The following XKR4 variants were observed in gnomAD, a reference collection of about 807,000 sequenced individuals.
XKR4 encodes XK-related protein 4.
In XKR4, 12 loss-of-function variants were observed where a neutral mutation model predicts 53.9. The ratio of observed to expected loss-of-function variants is 0.22; its 90% confidence interval spans 0.14 to 0.36. XKR4 has a LOEUF of 0.36. XKR4 is among the 10% of genes least tolerant of loss of function. The pLI is 1.00. For synonymous variants in XKR4, 354 were observed against 362.4 expected, an observed-to-expected ratio of 0.98 and a Z score of 0.26; for missense variants, 799 against 859.5, an observed-to-expected ratio of 0.93 and a Z score of 0.88.
intron 1 of XKR4, among the ~76,000 whole-genome samples, chr8:55,138,437 G>A (rs776143264): frequency 6.6e-6 from 1 of 152,102 alleles, no homozygotes; most frequent in African/African-American, 2.4e-5. Context: ...CAGCTCACAG[G>A]AAAGTATTTA....
At chr8:55,387,594 C>T (rs999416503) in intron 2 of XKR4, among the ~76,000 whole-genome samples, 1 of 152,210 alleles carries the variant, frequency 6.6e-6, no homozygotes, top group East Asian at 1.9e-4. Context: ...AGACCCTAGT[C>T]TTCTCAGCTT....
chr8:55,379,038 A>G (rs1001645171), intron 2 of XKR4, among the ~76,000 whole-genome samples: 9 of 152,222 alleles, frequency 5.9e-5, no homozygotes, highest in Non-Finnish European at 1.3e-4. Flanking sequence ...CTCTTATTCC[A>G]GGTGAACCCT....
At chr8:55,429,721 C>G (rs1171007846) in intron 2 of XKR4, among the ~76,000 whole-genome samples, 2 of 149,140 alleles carry the variant, frequency 1.3e-5, no homozygotes, top group African/African-American at 5.1e-5. Flanking sequence ...AGACCAAGAC[C>G]CTGTCTTTCT....
chr8:55,458,072 G>A (rs1345197377), intron 2 of XKR4, among the ~76,000 whole-genome samples: 1 of 152,100 alleles, frequency 6.6e-6, no homozygotes, highest in African/African-American at 2.4e-5. Flanking sequence ...ATCTACAGCT[G>A]AAACTCAATC....
intron 1 of XKR4, among the ~76,000 whole-genome samples, chr8:55,349,341 A>C (rs1047580030): frequency 2.0e-5 from 3 of 152,198 alleles, no homozygotes; most frequent in Admixed American, 1.3e-4. Flanking sequence ...CGTTTTTGCT[A>C]TGGTGAATTC....
intron 1 of XKR4, among the ~76,000 whole-genome samples, chr8:55,153,742 T>C (rs1816869287): frequency 6.6e-6 from 1 of 152,232 alleles, no homozygotes; most frequent in South Asian, 2.1e-4. Context: ...CTCCTGGGCA[T>C]GGAGACAGAG....
chr8:55,479,805 T>C (rs1281773404), intron 2 of XKR4, among the ~76,000 whole-genome samples: 3 of 152,068 alleles, frequency 2.0e-5, no homozygotes, highest in African/African-American at 4.8e-5. Flanking sequence ...CTGGAAGAAA[T>C]GGATAAATTC....
chr8:55,177,053 T>TC (rs1471878636), intron 1 of XKR4, among the ~76,000 whole-genome samples: 1 of 151,684 alleles, frequency 6.6e-6, no homozygotes, highest in Non-Finnish European at 1.5e-5. Flanking sequence ...TTTTTTTTTT[T>TC]CCAGACAGAG....
At chr8:55,465,448 A>G (rs1805748714) in intron 2 of XKR4, among the ~76,000 whole-genome samples, 1 of 152,010 alleles carries the variant, frequency 6.6e-6, no homozygotes, top group Admixed American at 6.6e-5. Flanking sequence ...GAAAGCTGAA[A>G]CTGGATCCCT....
At chr8:55,182,959 A>G (rs1417995473) in intron 1 of XKR4, among the ~76,000 whole-genome samples, 1 of 151,956 alleles carries the variant, frequency 6.6e-6, no homozygotes, top group Non-Finnish European at 1.5e-5. Flanking sequence ...ATTTGTCTTA[A>G]AACGTTTGTA....
At chr8:55,302,902 A>G (rs984406330) in intron 1 of XKR4, among the ~76,000 whole-genome samples, 28 of 152,302 alleles carry the variant, frequency 1.8e-4, no homozygotes, top group African/African-American at 6.5e-4. Context: ...TTGGGCTGAG[A>G]TGATGGGATT....
intron 2 of XKR4, among the ~76,000 whole-genome samples, chr8:55,380,427 T>C (rs1443115329): frequency 6.6e-6 from 1 of 152,188 alleles, no homozygotes; most frequent in Non-Finnish European, 1.5e-5. Context: ...AGCAAAGACA[T>C]GTTCATTTTA....
chr8:55,510,702 C>T (rs1806613023), intron 2 of XKR4, among the ~76,000 whole-genome samples: 1 of 152,228 alleles, frequency 6.6e-6, no homozygotes, highest in South Asian at 2.1e-4. Context: ...ACTCTCCTCT[C>T]CAAGGTGATC....
chr8:55,215,142 G>A (rs972298763), intron 1 of XKR4, among the ~76,000 whole-genome samples: 1 of 151,292 alleles, frequency 6.6e-6, no homozygotes, highest in African/African-American at 2.4e-5. Flanking sequence ...TCATTTAGCT[G>A]CTGAGTATTA....
chr8:55,321,660 G>A (rs1803214869), intron 1 of XKR4, among the ~76,000 whole-genome samples: 1 of 152,138 alleles, frequency 6.6e-6, no homozygotes, highest in African/African-American at 2.4e-5. Flanking sequence ...AGGGCATCTA[G>A]CATTCAGCAT....
At chr8:55,424,876 A>T (rs1297767679) in intron 2 of XKR4, among the ~76,000 whole-genome samples, 1 of 152,224 alleles carries the variant, frequency 6.6e-6, no homozygotes, top group Non-Finnish European at 1.5e-5. Context: ...AGTGGACCAC[A>T]GACATTTTCA....
intron 1 of XKR4, among the ~76,000 whole-genome samples, chr8:55,350,079 C>T (rs932625069): frequency 6.6e-6 from 1 of 152,152 alleles, no homozygotes; most frequent in Non-Finnish European, 1.5e-5. Flanking sequence ...CTATTTTAAC[C>T]TGCCTTTTGC....
At chr8:55,422,056 T>A (rs780137592) in intron 2 of XKR4, among the ~76,000 whole-genome samples, 1 of 152,218 alleles carries the variant, frequency 6.6e-6, no homozygotes, top group Non-Finnish European at 1.5e-5. Flanking sequence ...ATGGCCTATA[T>A]GTGCTGAACA....
At chr8:55,284,382 A>G (rs1314038789) in intron 1 of XKR4, among the ~76,000 whole-genome samples, 1 of 152,198 alleles carries the variant, frequency 6.6e-6, no homozygotes, top group African/African-American at 2.4e-5. Context: ...ATTCTGGCTC[A>G]GAATCTCCCA....
Sources: allele counts gnomAD v4.1 joint callset (sites outside exome capture counted in the v4.1 genomes callset), GRCh38; gene constraint gnomAD v4.1.1; transcripts MANE v1.5; gene names NCBI Gene and HGNC (gene_info 2026-07-23, HGNC 2026-07-21).